Variants in MED13L observed in about 807,000 individuals in gnomAD.
MED13L encodes the protein mediator of RNA polymerase II transcription subunit 13-like.
MED13L carries 7 observed loss-of-function variants against 220.9 expected under a neutral mutation model. The observed-to-expected ratio is 0.03, with a 90% CI of 0.02 to 0.06. The LOEUF (loss-of-function observed/expected upper bound fraction) is 0.06. Among genes scored for constraint, MED13L ranks in the 10% least tolerant of loss-of-function variants. The pLI is 1.00. For missense variants in MED13L, 1,965 were observed against 2,760.5 expected (o/e 0.71, Z 6.46); for synonymous variants, 1,011 against 1,015.2 (o/e 1.00, Z 0.08).
intron 3 of MED13L, among the ~76,000 whole-genome samples, chr12:116,097,704 T>C (rs974197748): frequency 6.6e-6 from 1 of 152,234 alleles, no homozygotes; most frequent in East Asian, 1.9e-4. Flanking sequence ...TCTGTTTCCA[T>C]GCCACTTGTG....
chr12:116,271,904 A>C (rs555049230), intron 1 of MED13L, among the ~76,000 whole-genome samples: 68 of 151,988 alleles, frequency 4.5e-4, no homozygotes, highest in East Asian at 2.1e-3. Flanking sequence ...TTTCAAAAAA[A>C]ACACACACAC....
intron 3 of MED13L, 23 bp from the exon 4 acceptor site, chr12:116,096,775 T>G (rs778498034): frequency 6.4e-7 from 1 of 1,571,662 alleles, no homozygotes; most frequent in East Asian, 2.2e-5. Context: ...CATCAAGAAT[T>G]ACTTTTATAG....
intron 2 of MED13L, among the ~76,000 whole-genome samples, chr12:116,146,032 GGGCCGCATGA>G (rs1877478178): frequency 6.6e-6 from 1 of 152,162 alleles, no homozygotes; most frequent in Non-Finnish European, 1.5e-5. Flanking sequence ...CACAGCCCGC[GGGCCGCATGA>G]GGCCCAGAAC....
chr12:116,195,933 G>A (rs1881598959), intron 2 of MED13L, among the ~76,000 whole-genome samples: 1 of 152,040 alleles, frequency 6.6e-6, no homozygotes, highest in South Asian at 2.1e-4. Flanking sequence ...GAGATAAAAT[G>A]TAAACAGTAA....
intron 4 of MED13L, among the ~76,000 whole-genome samples, chr12:116,062,470 C>G (rs1001084484): frequency 3.5e-5 from 5 of 143,164 alleles, no homozygotes; most frequent in Non-Finnish European, 6.0e-5. Flanking sequence ...AGAATAGTGT[C>G]TCTCTCTCTC....
chr12:116,086,292 T>C (rs988797008), intron 4 of MED13L, among the ~76,000 whole-genome samples: 1 of 22,550 alleles, frequency 4.4e-5, no homozygotes, highest in Non-Finnish European at 9.1e-5. Flanking sequence ...TCTTTTTTTT[T>C]TTTTTTTGAG....
In MED13L at chr12:116,041,322, C is replaced by T. The variant is rs1388675761; in HGVS notation, c.480-18721G>A. The stretch of plus-strand genomic sequence containing the variant: ...CTTGCTTCCCCTTTGCCTTCTACCA[C>T]GATTGTAAGTCTCCTGAGGACTCCT... On this transcript the variant is annotated intron_variant, in intron 4 of 30. Coordinates refer to ENST00000281928, the MANE Select transcript of MED13L (RefSeq NM_015335.5). Among the ~76,000 whole-genome samples, 3 of 152,120 alleles carry T rather than the reference C, an allele frequency of 2.0e-5. No homozygotes were observed. In the East Asian group the frequency reaches 5.8e-4, roughly 29 times the overall value.
chr12:116,002,375 G>A (rs1401947129), intron 14 of MED13L, among the ~76,000 whole-genome samples: 1 of 152,086 alleles, frequency 6.6e-6, no homozygotes, highest in Non-Finnish European at 1.5e-5. Context: ...TTAATGAGAA[G>A]GTGTTAAAGA....
rs1226259653 is a variant in MED13L, at chr12:116,005,986, C to G, written c.2352G>C (p.Arg784=). The G allele has an allele frequency of 1.9e-6, 3 of 1,613,774 alleles. No individual in the cohort carries two copies. In the African/African-American group the frequency reaches 4.0e-5, roughly 22 times the overall value. Residue 784 remains arginine, a synonymous_variant, in exon 13 of 31, where the codon CGG becomes CGC. Coordinates refer to ENST00000281928, the MANE Select transcript of MED13L (RefSeq NM_015335.5). Reference sequence around the variant, plus strand: ...CAGCTCTGCCAGCAGCATTATCCTGCCGGACATCTGTAGGAAAGGAGGCAA... The same window carrying G: ...CAGCTCTGCCAGCAGCATTATCCTGGCGGACATCTGTAGGAAAGGAGGCAA... ...IFSSATKTDV[R]QDNAAGRAGS...
intron 4 of MED13L, among the ~76,000 whole-genome samples, chr12:116,091,354 CTTTT>C: frequency 6.6e-6 from 1 of 152,070 alleles, no homozygotes; most frequent in East Asian, 1.9e-4. Context: ...GTCATAACTT[CTTTT>C]AAGTTATTAA....
chr12:116,151,341 G>A (rs537206832), intron 2 of MED13L, among the ~76,000 whole-genome samples: 7 of 152,172 alleles, frequency 4.6e-5, no homozygotes, highest in Non-Finnish European at 8.8e-5. Flanking sequence ...AATGCTTTAA[G>A]TGAAAATGTT....
chr12:116,140,959 G>C, intron 2 of MED13L, among the ~76,000 whole-genome samples: 1 of 152,162 alleles, frequency 6.6e-6, no homozygotes, highest in East Asian at 1.9e-4. Context: ...TGTGCTGTTT[G>C]TTTCCTTCAA....
rs189212696 is a variant in MED13L at position 115,972,580 on chromosome 12, T to C, written c.5732-344A>G. 9.5e-5 allele frequency: 32 copies of C among 336,462 alleles called. No homozygotes were observed. In the Admixed American group the frequency reaches 1.2e-3, roughly 12 times the overall value. 20.8% of individuals were successfully genotyped at this position (336,462 alleles called of 1,614,324 possible). A position where few individuals can be genotyped will look rare whatever the true frequency, so the allele number is the denominator to read the frequency against. ...GTGTTAGCTGCCCTATCCTTTCTCCTCCTTCTCAAGGTCCGATTCTTTCAG... is the reference window on the plus strand; with the variant it reads ...GTGTTAGCTGCCCTATCCTTTCTCCCCCTTCTCAAGGTCCGATTCTTTCAG... On this transcript the variant is annotated intron_variant, in intron 25 of 30. Transcript: ENST00000281928.
At chr12:116,135,609 A>G (rs1308098749) in intron 2 of MED13L, among the ~76,000 whole-genome samples, 1 of 152,212 alleles carries the variant, frequency 6.6e-6, no homozygotes, top group African/African-American at 2.4e-5. Flanking sequence ...GTTACACAGC[A>G]AAGGATAACT....
chr12:115,975,863 T>C (rs1324001688), intron 23 of MED13L, 125 bp from the exon 24 acceptor site: 4 of 821,348 alleles, frequency 4.9e-6, no homozygotes, highest in Middle Eastern at 3.4e-4. Context: ...TCTCTCTCTC[T>C]CTCCAGTACT....
At chr12:115,966,798 T>A (rs1236044857) in intron 28 of MED13L, among the ~76,000 whole-genome samples, 5 of 152,214 alleles carry the variant, frequency 3.3e-5, no homozygotes, top group African/African-American at 1.2e-4. Flanking sequence ...ACTTTTCTTA[T>A]CTTTTAATTC....
chr12:116,235,664 C>T (rs1340717258), intron 2 of MED13L, among the ~76,000 whole-genome samples: 4 of 152,002 alleles, frequency 2.6e-5, no homozygotes, highest in Non-Finnish European at 5.9e-5. Context: ...AGCAACTATC[C>T]CAAAATTTAA....
intron 2 of MED13L, among the ~76,000 whole-genome samples, chr12:116,132,234 C>A (rs1421901225): frequency 2.1e-5 from 3 of 142,806 alleles, no homozygotes; most frequent in South Asian, 2.2e-4. Context: ...GAGCCGAGAT[C>A]GTGGCATTGC....
intron 4 of MED13L, among the ~76,000 whole-genome samples, chr12:116,060,831 C>CG (rs1394895578): frequency 3.3e-5 from 5 of 151,970 alleles, no homozygotes; most frequent in African/African-American, 1.2e-4. Context: ...ACTTGCTTTA[C>CG]GGAGCTTTGA....
Sources: gnomAD v4.1 joint callset for allele counts (sites outside exome capture counted in the v4.1 genomes callset) on GRCh38, gnomAD v4.1.1 for gene constraint, MANE v1.5 for transcripts, NCBI Gene and HGNC (gene_info 2026-07-23, HGNC 2026-07-21) for gene names.